Variants in MSANTD2 observed in about 807,000 individuals in gnomAD.
The protein encoded by MSANTD2 is myb/SANT-like DNA-binding domain-containing protein 2.
MSANTD2 carries 19 observed loss-of-function variants against 52.6 expected under a neutral mutation model. That is an observed-to-expected ratio of 0.36 (90% CI 0.25 to 0.53). The LOEUF (loss-of-function observed/expected upper bound fraction) is 0.53. Among genes scored for constraint, MSANTD2 ranks in the 20% least tolerant of loss-of-function variants. MSANTD2 has a pLI of 0.91. For missense variants in MSANTD2, 558 were observed against 716.3 expected, an observed-to-expected ratio of 0.78 and a Z score of 2.52; for synonymous variants, 291 against 289.7, an observed-to-expected ratio of 1.00 and a Z score of -0.04.
At chr11:124,794,947 C>T (rs1394162995) in intron 1 of MSANTD2, among the ~76,000 whole-genome samples, 1 of 152,156 alleles carries the variant, frequency 6.6e-6, no homozygotes, top group African/African-American at 2.4e-5. Context: ...GGCTCAATCT[C>T]AGCTCACTGC....
chr11:124,774,816 C>G lies in MSANTD2; in HGVS notation c.669G>C (p.Glu223Asp), dbSNP rs141864382. The G allele has an allele frequency of 7.4e-5, 120 of 1,614,066 alleles. No homozygotes were observed. Among genetic ancestry groups the G allele is most frequent in the Non-Finnish European group, 9.7e-5 (114 of 1,180,038 alleles). The change falls in exon 2 of 4, where the codon GAG becomes GAC. Residue 223 changes from glutamate (E) to aspartate (D), a missense_variant. Glu to Asp is a conservative substitution (Grantham distance 45). Transcript: ENST00000374979. The surrounding 1 kb of genome is among the most constrained non-coding windows in gnomAD (Gnocchi z 5.1). ...VLINSSGLYQ[E>D]LESDGSTMED... ...CCATAGTGCTGCCATCTGACTCCAG[C>G]TCCTGGTACAAGCCACTACTGTTAA...
intron 1 of MSANTD2, among the ~76,000 whole-genome samples, chr11:124,782,221 G>C (rs1245167095): frequency 2.0e-5 from 3 of 151,866 alleles, no homozygotes; most frequent in Admixed American, 6.5e-5. Flanking sequence ...GCCAAGGCTG[G>C]AGGACGCTTC....
At chr11:124,782,905 T>C (rs994407656) in intron 1 of MSANTD2, among the ~76,000 whole-genome samples, 13 of 152,236 alleles carry the variant, frequency 8.5e-5, no homozygotes, top group African/African-American at 3.1e-4. Context: ...TCCTGAAACC[T>C]TTTGAAAATA....
chr11:124,773,733 A>T (rs1944630077), intron 2 of MSANTD2, among the ~76,000 whole-genome samples: 1 of 152,220 alleles, frequency 6.6e-6, no homozygotes, highest in Non-Finnish European at 1.5e-5. Context: ...TTTGGAATTA[A>T]CATTTTTCTA....
chr11:124,776,689 A>T (rs1355743891), intron 1 of MSANTD2, among the ~76,000 whole-genome samples: 1 of 152,226 alleles, frequency 6.6e-6, no homozygotes, highest in Non-Finnish European at 1.5e-5. Context: ...AGAAATCTAG[A>T]TGGGTAAAAG....
At chr11:124,791,389 T>C (rs1945328548) in intron 1 of MSANTD2, 1 of 1,350,974 alleles carries the variant, frequency 7.4e-7, no homozygotes, top group Non-Finnish European at 1.1e-6. Flanking sequence ...ACGGGCTACA[T>C]CATCAAAACC....
Position 124,800,171 on chromosome 11 carries a change from C to T in MSANTD2, c.210G>A (p.Leu70=). 1 of 1,466,810 alleles carries T rather than the reference C, an allele frequency of 6.8e-7. No individual in the cohort carries two copies. The highest frequency in any genetic ancestry group is 9.0e-7 in the Non-Finnish European group (1 of 1,115,292). The allele number at this position is 1,466,810 out of a possible 1,614,324, so 90.9% of individuals were successfully genotyped here. The change falls in exon 1 of 4, where the codon CTG becomes CTA. Residue 70 remains leucine (L), a synonymous_variant. Transcript: ENST00000374979. This position sits in a 1 kb window ranked among gnomAD's most constrained non-coding sequence, Gnocchi z 4.3. The part of the protein sequence containing the change: ...AAASGGLGLG[L]GGRSAASSSV... ...AGGACGAGGCGGCGCTGCGGCCCCC[C>T]AGCCCCAGCCCGAGACCCCCGGACG...
chr11:124,768,572 T>C (rs1310776538), intron 3 of MSANTD2, among the ~76,000 whole-genome samples: 2 of 152,168 alleles, frequency 1.3e-5, no homozygotes, highest in Non-Finnish European at 2.9e-5. Context: ...GTGTGTGCTG[T>C]GGGAAAATAT....
At chr11:124,787,664 G>C (rs1303224925) in intron 1 of MSANTD2, among the ~76,000 whole-genome samples, 1 of 152,136 alleles carries the variant, frequency 6.6e-6, no homozygotes, top group African/African-American at 2.4e-5. Context: ...GTTAACATGT[G>C]AACTCTATAG....
rs1369464372 is a variant in MSANTD2, at chr11:124,782,995, G to A, written c.511-8021C>T. Among the ~76,000 whole-genome samples, 7 of 152,092 alleles carry A rather than the reference G, an allele frequency of 4.6e-5. No individual in the cohort carries two copies. The East Asian group carries it at 1.3e-3, about 29-fold the overall frequency. On this transcript the variant is annotated intron_variant, in intron 1 of 3. Coordinates refer to ENST00000374979, the MANE Select transcript of MSANTD2 (RefSeq NM_001308027.2). ...TGGGCGGGCAGGCCACGTGCCAAAGGGAGCTCTGCAGCCCTGTCCAAATTT... is the reference window on the plus strand; with the variant it reads ...TGGGCGGGCAGGCCACGTGCCAAAGAGAGCTCTGCAGCCCTGTCCAAATTT...
Position 124,767,733 on chromosome 11 carries a change from A to C in MSANTD2, c.1123T>G (p.Phe375Val). 1 of 1,614,242 alleles carries C rather than the reference A, an allele frequency of 6.2e-7. No homozygotes were observed. Among genetic ancestry groups the C allele is most frequent in the East Asian group, 2.2e-5 (1 of 44,892 alleles). ...GCTTCGCTAATAGTGATCTCTAAAA[A>C]TTTGTAGTAAACATTTTTCCAGTTC... ...KMNWKNVYYKFLEITISEARC... is the reference protein window; with the variant it reads ...KMNWKNVYYKVLEITISEARC... Residue 375 changes from phenylalanine (F) to valine (V), a missense_variant, in exon 4 of 4, where the codon TTT becomes GTT. This residue lies in a region of MSANTD2 where 408 missense variants were observed against 573.6 expected (regional missense o/e 0.71). Coordinates refer to ENST00000374979, the MANE Select transcript of MSANTD2 (RefSeq NM_001308027.2). The surrounding 1 kb of genome is among the most constrained non-coding windows in gnomAD (Gnocchi z 6.5).
At chr11:124,769,664 T>A (rs764557462) in intron 3 of MSANTD2, among the ~76,000 whole-genome samples, 30 of 152,186 alleles carry the variant, frequency 2.0e-4, no homozygotes, top group Non-Finnish European at 4.4e-5. Context: ...TAGTAGGCAC[T>A]TGAGAAACGT....
chr11:124,776,458 C>T (rs532172268), intron 1 of MSANTD2, among the ~76,000 whole-genome samples: 18 of 152,332 alleles, frequency 1.2e-4, no homozygotes, highest in East Asian at 3.9e-4. Context: ...CCACCCTGCC[C>T]GGCTAATTTT....
chr11:124,769,347 A>G (rs930510068), intron 3 of MSANTD2, among the ~76,000 whole-genome samples: 1 of 152,186 alleles, frequency 6.6e-6, no homozygotes, highest in East Asian at 1.9e-4. Context: ...GAAAGCTTTC[A>G]AGTATGAGAG....
chr11:124,784,490 C>A (rs993403484), intron 1 of MSANTD2: 82 of 984,868 alleles, frequency 8.3e-5, no homozygotes, highest in Non-Finnish European at 9.3e-5. Flanking sequence ...AAACCCCCCC[C>A]CCGCCACCTC....
At chr11:124,772,642 C>T (rs1468526307) in intron 3 of MSANTD2, among the ~76,000 whole-genome samples, 1 of 145,978 alleles carries the variant, frequency 6.9e-6, no homozygotes, top group African/African-American at 2.5e-5. Flanking sequence ...GAGGCTGAGG[C>T]AGGAGAATGG....
intron 1 of MSANTD2, among the ~76,000 whole-genome samples, chr11:124,799,368 C>A (rs1005171615): frequency 6.6e-6 from 1 of 152,254 alleles, no homozygotes; most frequent in South Asian, 2.1e-4. Context: ...GCGACTGACA[C>A]AAAGGCCAGT....
At chr11:124,780,206 T>C (rs890725454) in intron 1 of MSANTD2, among the ~76,000 whole-genome samples, 3 of 152,200 alleles carry the variant, frequency 2.0e-5, no homozygotes, top group Non-Finnish European at 4.4e-5. Flanking sequence ...GAATCTAGCA[T>C]AAATTTCTAT....
Position 124,767,183 on chromosome 11 carries a change from T to C in MSANTD2, c.1673A>G (p.Asn558Ser). Residue 558 changes from asparagine (N) to serine (S), a missense_variant, in exon 4 of 4, where the codon AAC becomes AGC. Physicochemically the swap from Asn to Ser is conservative, Grantham distance 46. This residue lies in a region of MSANTD2 where 408 missense variants were observed against 573.6 expected (regional missense o/e 0.71). Transcript: ENST00000374979. This position sits in a 1 kb window ranked among gnomAD's most constrained non-coding sequence, Gnocchi z 6.5. ...EKAIGYPLKF[N>S]N Reference sequence around the variant, plus strand: ...CCTTATGAAGGATGACATTCAGTTGTTAAATTTTAAGGGGTATCCAATGGC... The same window carrying C: ...CCTTATGAAGGATGACATTCAGTTGCTAAATTTTAAGGGGTATCCAATGGC... 1 of 1,596,326 alleles carries C rather than the reference T, an allele frequency of 6.3e-7. No individual in the cohort carries two copies. The highest frequency in any genetic ancestry group is 8.5e-7 in the Non-Finnish European group (1 of 1,173,120).
Sources: allele counts gnomAD v4.1 joint callset (sites outside exome capture counted in the v4.1 genomes callset), GRCh38; gene constraint gnomAD v4.1.1; regional missense constraint gnomAD v4.1.1; non-coding constraint Gnocchi (gnomAD v3.1); transcripts MANE v1.5; gene names NCBI Gene and HGNC (gene_info 2026-07-23, HGNC 2026-07-21).